The following IPCEF1 variants were observed in gnomAD, a reference collection of about 807,000 sequenced individuals.
The protein encoded by IPCEF1 is interaction protein for cytohesin exchange factors 1.
IPCEF1 carries 31 observed loss-of-function variants against 50.9 expected under a neutral mutation model. The observed-to-expected ratio is 0.61, with a 90% CI of 0.46 to 0.82. IPCEF1 has a LOEUF of 0.82. Ranked by LOEUF, IPCEF1 falls within the 40% of genes least tolerant of loss-of-function variation. The probability of loss-of-function intolerance (pLI) is 0.00; values close to 1 mark genes in which losing one functional copy is unlikely to be tolerated. For synonymous variants in IPCEF1, 181 were observed against 192.0 expected (o/e 0.94, Z 0.47); for missense variants, 458 against 514.0 (o/e 0.89, Z 1.05).
intron 1 of IPCEF1, among the ~76,000 whole-genome samples, chr6:154,345,044 A>G (rs1471391448): frequency 2.0e-5 from 3 of 152,130 alleles, no homozygotes; most frequent in Non-Finnish European, 2.9e-5. Context: ...TAATTTTAAT[A>G]CATTTTGTAG....
chr6:154,237,506 C>T (rs1780230246), intron 5 of IPCEF1, among the ~76,000 whole-genome samples: 1 of 152,190 alleles, frequency 6.6e-6, no homozygotes, highest in Non-Finnish European at 1.5e-5. Flanking sequence ...TTTAGGCAAA[C>T]ACATTGCTTT....
intron 1 of IPCEF1, among the ~76,000 whole-genome samples, chr6:154,332,343 A>C (rs539171019): frequency 1.4e-5 from 2 of 147,680 alleles, no homozygotes; most frequent in East Asian, 2.1e-4. Flanking sequence ...TATGTTGCCC[A>C]GGCTGGTCTC....
chr6:154,276,203 G>GAAA (rs949483591), intron 2 of IPCEF1, among the ~76,000 whole-genome samples: 47 of 144,722 alleles, frequency 3.2e-4, no homozygotes, highest in African/African-American at 1.1e-3. Context: ...GAAAGAAAGA[G>GAAA]AAAAAGAGAG....
intron 10 of IPCEF1, among the ~76,000 whole-genome samples, chr6:154,176,197 C>T (rs181672823): frequency 0.011 from 1,663 of 152,226 alleles, 14 homozygotes; most frequent in Admixed American, 0.017. Context: ...CTATTTATGA[C>T]AAACCCACAG....
intron 11 of IPCEF1, among the ~76,000 whole-genome samples, chr6:154,161,834 G>A (rs909918058): frequency 4.6e-5 from 7 of 152,152 alleles, no homozygotes; most frequent in African/African-American, 1.7e-4. Context: ...CCCCAGGACA[G>A]CATGTGTGAA....
At position 154,280,637 on chromosome 6, in the gene IPCEF1, T is replaced by C. The variant is rs537579762; in HGVS notation, c.-18+9076A>G. ...GCAGCCAAAGCTAGATCATAGTGTT[T>C]AGGGAAGTGTACTTGGGTCATAAAA... On this transcript the variant is annotated intron_variant, in intron 2 of 11. Coordinates refer to ENST00000367220, the MANE Select transcript of IPCEF1 (RefSeq NM_001130700.2). Among the ~76,000 whole-genome samples, 4 of 152,286 alleles carry C rather than the reference T, an allele frequency of 2.6e-5. No homozygotes were observed. The South Asian group carries it at 6.2e-4, about 24-fold the overall frequency.
chr6:154,250,782 C>G (rs1355628293), intron 3 of IPCEF1, among the ~76,000 whole-genome samples: 1 of 152,188 alleles, frequency 6.6e-6, no homozygotes, highest in African/African-American at 2.4e-5. Context: ...TCATAGTGAT[C>G]CTAATCTTTA....
At chr6:154,341,661 C>G (rs722426) in intron 1 of IPCEF1, among the ~76,000 whole-genome samples, 78,911 of 151,844 alleles carry the variant, frequency 0.52, 21,443 homozygotes, top group East Asian at 0.89. Context: ...GCTCTTTTTC[C>G]TGTGTCCACT....
chr6:154,167,364 A>G (rs1799525261), intron 11 of IPCEF1, among the ~76,000 whole-genome samples: 1 of 152,182 alleles, frequency 6.6e-6, no homozygotes, highest in Non-Finnish European at 1.5e-5. Context: ...CTGGTCTATT[A>G]CCACAGAGTG....
rs565957963 is a variant in IPCEF1, at chr6:154,287,816, C to T, written c.-18+1897G>A. 2.6e-5 allele frequency among the ~76,000 whole-genome samples: 4 copies of T among 152,194 alleles called. No individual in the cohort carries two copies. In the South Asian group the frequency reaches 8.3e-4, roughly 32 times the overall value. On this transcript the variant is annotated intron_variant, in intron 2 of 11. Transcript: ENST00000367220. ...CAACTTTTGAAGATAGTAAAATCAC[C>T]CACTTTTGTCAATACCTTAGGGTAA...
intron 11 of IPCEF1, among the ~76,000 whole-genome samples, chr6:154,165,776 CT>C (rs1172009403): frequency 6.6e-6 from 1 of 152,242 alleles, no homozygotes; most frequent in Non-Finnish European, 1.5e-5. Context: ...ATTGCTGCCA[CT>C]GGGTTATAAC....
intron 3 of IPCEF1, 117 bp from the exon 4 acceptor site, chr6:154,247,605 A>C (rs1583901851): frequency 8.9e-6 from 7 of 786,104 alleles, no homozygotes; most frequent in Admixed American, 2.3e-5. Context: ...CTAAAAAAAA[A>C]CTCTCCAGGC....
At position 154,296,824 on chromosome 6, in the gene IPCEF1, G is replaced by A. The variant is rs1444114551; in HGVS notation, c.-61-7068C>T. ...AGCCTGGGCGACAGAGAGAGACTCC[G>A]TCTCAAAAAAAAAAAAAAAGAAAAA... is the stretch of plus-strand genomic sequence containing the variant. On this transcript the variant is annotated intron_variant, in intron 1 of 11. Transcript: ENST00000367220. Among the ~76,000 whole-genome samples the A allele has an allele frequency of 6.0e-5, 8 of 133,386 alleles. No homozygotes were observed. In the East Asian group the frequency reaches 1.6e-3, roughly 26 times the overall value. 87.5% of individuals were successfully genotyped at this position (133,386 alleles called of 152,430 possible). A position where few individuals can be genotyped will look rare whatever the true frequency, so the allele number is the denominator to read the frequency against.
intron 1 of IPCEF1, among the ~76,000 whole-genome samples, chr6:154,340,109 C>T (rs1415940262): frequency 1.3e-5 from 2 of 151,948 alleles, no homozygotes; most frequent in Admixed American, 1.3e-4. Context: ...AAATTTGAGG[C>T]GGGTCTCAGT....
At chr6:154,288,676 C>CAA (rs558703057) in intron 2 of IPCEF1, among the ~76,000 whole-genome samples, 50 of 46,912 alleles carry the variant, frequency 1.1e-3, no homozygotes, top group African/African-American at 2.8e-3. Flanking sequence ...ACAAAAAAAA[C>CAA]AAAAAAAAAA....
chr6:154,290,588 T>C (rs1782488838), intron 1 of IPCEF1, among the ~76,000 whole-genome samples: 2 of 152,214 alleles, frequency 1.3e-5, no homozygotes, highest in African/African-American at 4.8e-5. Flanking sequence ...AAGAATCAAG[T>C]TGGTGCAGAC....
chr6:154,185,382 G>T (rs1801247846), intron 10 of IPCEF1, among the ~76,000 whole-genome samples: 1 of 152,102 alleles, frequency 6.6e-6, no homozygotes, highest in Non-Finnish European at 1.5e-5. Flanking sequence ...TTTCTAACAG[G>T]TACTTTGTAA....
At chr6:154,186,625 T>C (rs534393591) in intron 10 of IPCEF1, among the ~76,000 whole-genome samples, 10 of 152,156 alleles carry the variant, frequency 6.6e-5, no homozygotes, top group Non-Finnish European at 1.2e-4. Context: ...GGTGCGATCT[T>C]GGCTCACTGC....
At chr6:154,332,571 TC>T (rs1283447647) in intron 1 of IPCEF1, among the ~76,000 whole-genome samples, 14 of 152,184 alleles carry the variant, frequency 9.2e-5, no homozygotes, top group African/African-American at 2.9e-4. Context: ...CTGAAGAGAT[TC>T]TCTCCTTCAT....
Sources: allele counts gnomAD v4.1 joint callset (sites outside exome capture counted in the v4.1 genomes callset), GRCh38; gene constraint gnomAD v4.1.1; transcripts MANE v1.5; gene names NCBI Gene and HGNC (gene_info 2026-07-23, HGNC 2026-07-21).